Variants in FOXK2 observed in about 807,000 individuals in gnomAD.
The protein encoded by FOXK2 is forkhead box protein K2.
FOXK2 carries 24 observed loss-of-function variants against 53.3 expected under a neutral mutation model. The observed-to-expected ratio is 0.45, with a 90% CI of 0.33 to 0.63. The LOEUF (loss-of-function observed/expected upper bound fraction) is 0.63. Ranked by LOEUF, FOXK2 falls within the 30% of genes least tolerant of loss-of-function variation. The pLI is 0.03. For missense variants in FOXK2, 952 were observed against 910.5 expected, an observed-to-expected ratio of 1.05 and a Z score of -0.59; for synonymous variants, 505 against 407.1, an observed-to-expected ratio of 1.24 and a Z score of -2.89.
At chr17:82,527,231 C>G (rs939082284) in intron 1 of FOXK2, among the ~76,000 whole-genome samples, 6 of 152,098 alleles carry the variant, frequency 3.9e-5, no homozygotes, top group African/African-American at 1.4e-4. Flanking sequence ...AGCTCCGCCT[C>G]CTGGGTTCAA....
At chr17:82,571,915 G>A (rs764779748) in intron 4 of FOXK2, 45 bp downstream of exon 4, 21 of 1,479,606 alleles carry the variant, frequency 1.4e-5, no homozygotes, top group South Asian at 9.7e-5. Flanking sequence ...GATGGATACC[G>A]AGAAGAAAGT....
At chr17:82,556,945 C>T (rs2044731490) in intron 1 of FOXK2, among the ~76,000 whole-genome samples, 1 of 152,036 alleles carries the variant, frequency 6.6e-6, no homozygotes, top group Non-Finnish European at 1.5e-5. Context: ...TCAGGTGATC[C>T]ACCTGCTTCG....
intron 1 of FOXK2, among the ~76,000 whole-genome samples, chr17:82,561,339 G>A (rs892348873): frequency 6.6e-6 from 1 of 152,004 alleles, no homozygotes; most frequent in East Asian, 1.9e-4. Flanking sequence ...CCTGGAGCTG[G>A]AAGTGGGGAT....
chr17:82,592,317 A>G (rs1026742008), intron 8 of FOXK2, among the ~76,000 whole-genome samples: 6 of 152,220 alleles, frequency 3.9e-5, no homozygotes, highest in African/African-American at 9.6e-5. Flanking sequence ...CTTGGCTCAC[A>G]TATTGACTCC....
At chr17:82,580,690 C>T (rs71376510) in intron 4 of FOXK2, among the ~76,000 whole-genome samples, 155 of 3,818 alleles carry the variant, frequency 0.041, 2 homozygotes, top group Non-Finnish European at 0.062. Context: ...GGCCCAGATC[C>T]CTCCCACACA....
At chr17:82,577,077 G>A (rs2044996426) in intron 4 of FOXK2, 2 of 452,352 alleles carry the variant, frequency 4.4e-6, no homozygotes, top group Admixed American at 3.7e-5. Flanking sequence ...CAGGAGAATT[G>A]TTTGAACCCA....
At chr17:82,564,700 C>A (rs2044835014) in intron 2 of FOXK2, among the ~76,000 whole-genome samples, 1 of 151,196 alleles carries the variant, frequency 6.6e-6, no homozygotes, top group Non-Finnish European at 1.5e-5. Flanking sequence ...AGTAGAGAGC[C>A]CAGAAATAAA....
intron 1 of FOXK2, among the ~76,000 whole-genome samples, chr17:82,551,403 C>T (rs903261209): frequency 6.7e-5 from 10 of 149,000 alleles, no homozygotes; most frequent in Non-Finnish European, 8.9e-5. Flanking sequence ...TGGCCAGGCA[C>T]GGTGGCTCAT....
At position 82,563,423 on chromosome 17, in the gene FOXK2, G is replaced by A; in HGVS notation, c.489G>A (p.Glu163=). 1 of 1,614,188 alleles carries A rather than the reference G, an allele frequency of 6.2e-7. No individual in the cohort carries two copies. The change falls in exon 2 of 9, where the codon GAG becomes GAA. Residue 163 remains glutamate, a synonymous_variant. Transcript: ENST00000335255. The part of the protein sequence containing the change: ...TFTALSSEKR[E]KQEASESPVK... Reference sequence around the variant, plus strand: ...CTGCCCTGTCCAGCGAGAAGAGAGAGAAGCAGGAGGCGTCTGAGTCTCCAG... The same window carrying A: ...CTGCCCTGTCCAGCGAGAAGAGAGAAAAGCAGGAGGCGTCTGAGTCTCCAG...
intron 1 of FOXK2, among the ~76,000 whole-genome samples, chr17:82,553,082 C>T (rs190671932): frequency 1.3e-3 from 195 of 152,242 alleles, no homozygotes; most frequent in African/African-American, 4.5e-3. Flanking sequence ...ATTACAGTCA[C>T]GCGCCACCAC....
At chr17:82,526,539 T>C (rs746319499) in intron 1 of FOXK2, among the ~76,000 whole-genome samples, 16 of 150,322 alleles carry the variant, frequency 1.1e-4, no homozygotes, top group Non-Finnish European at 2.2e-4. Context: ...CACCAAGAAA[T>C]GGGAGTTGAG....
At chr17:82,568,289 C>T (rs2044874782) in intron 3 of FOXK2, 88 bp downstream of exon 3, 4 of 1,501,098 alleles carry the variant, frequency 2.7e-6, no homozygotes, top group Non-Finnish European at 1.8e-6. Context: ...ACTCACCTGC[C>T]TGTCCAGTGA....
Position 82,587,175 on chromosome 17 carries a change from AC to A in FOXK2, c.1691del (p.Pro564LeufsTer2). Reference protein sequence around the residue: ...VQTVTIVQQAPLGQHQLPIKT... With the variant: ...VQTVTIVQQAXLGQHQLPIKT... ...AGACGGTGACCATAGTACAACAGGC[AC>A]CTCTAGGTCAACACCAGCTACCAAT... On this transcript the variant is annotated frameshift_variant, in exon 8 of 9. Coordinates refer to ENST00000335255, the MANE Select transcript of FOXK2 (RefSeq NM_004514.4). LOFTEE classifies it high-confidence loss of function. 1 of 1,613,038 alleles carries A rather than the reference AC, an allele frequency of 6.2e-7. No individual in the cohort carries two copies. The highest frequency in any genetic ancestry group is 8.5e-7 in the Non-Finnish European group (1 of 1,180,012).
At chr17:82,563,674 C>A (rs1483419675) in intron 2 of FOXK2, 126 bp downstream of exon 2, 1 of 768,012 alleles carries the variant, frequency 1.3e-6, no homozygotes, top group Non-Finnish European at 1.9e-6. Flanking sequence ...TTTAAAATAT[C>A]ATTGGATTTC....
Position 82,586,095 on chromosome 17 carries a change from G to A in FOXK2, c.1471G>A (p.Ala491Thr). The A allele has an allele frequency of 1.2e-6, 2 of 1,612,760 alleles. No homozygotes were observed. The highest frequency in any genetic ancestry group is 1.7e-6 in the Non-Finnish European group (2 of 1,179,964). Residue 491 changes from alanine to threonine, a missense_variant, in exon 7 of 9, where the codon GCG becomes ACG. Transcript: ENST00000335255. ...SVTSVAGLAP[A>T]NTYTVSGQAV... ...CACCAGTGTGGCCGGACTGGCCCCA[G>A]CGAACACGTACACTGTCTCTGGACA...
intron 1 of FOXK2, among the ~76,000 whole-genome samples, chr17:82,538,427 G>T (rs2044541710): frequency 6.6e-6 from 1 of 152,218 alleles, no homozygotes; most frequent in Non-Finnish European, 1.5e-5. Context: ...TGAGGCTGTA[G>T]TGAGCCATGC....
At chr17:82,554,611 T>C (rs1053127312) in intron 1 of FOXK2, among the ~76,000 whole-genome samples, 30 of 152,342 alleles carry the variant, frequency 2.0e-4, no homozygotes, top group African/African-American at 7.0e-4. Context: ...TGCCACCTAG[T>C]GTTCCTTTCC....
At chr17:82,553,225 C>T (rs1042792791) in intron 1 of FOXK2, among the ~76,000 whole-genome samples, 3 of 152,252 alleles carry the variant, frequency 2.0e-5, no homozygotes, top group Non-Finnish European at 2.9e-5. Context: ...CGTGAGCCAC[C>T]GTGCCCAGCC....
chr17:82,557,542 C>T (rs2044743631), intron 1 of FOXK2, among the ~76,000 whole-genome samples: 1 of 152,118 alleles, frequency 6.6e-6, no homozygotes, highest in Admixed American at 6.5e-5. Context: ...TGGTGTTTCA[C>T]CGTGTTGGCC....
Sources: allele counts gnomAD v4.1 joint callset (sites outside exome capture counted in the v4.1 genomes callset), GRCh38; gene constraint gnomAD v4.1.1; transcripts MANE v1.5; gene names NCBI Gene and HGNC (gene_info 2026-07-23, HGNC 2026-07-21).